ATF6: variants seen among roughly 807,000 people sequenced by gnomAD.
ATF6 encodes activating transcription factor 6.
In ATF6, 53 loss-of-function variants were observed where a neutral mutation model predicts 83.6. The ratio of observed to expected loss-of-function variants is 0.63; its 90% CI spans 0.51 to 0.80. The LOEUF is 0.80. Ranked by LOEUF, ATF6 falls within the 30% of genes least tolerant of loss-of-function variation. The pLI is 0.00. For missense variants in ATF6, 744 were observed against 797.9 expected, an observed-to-expected ratio of 0.93 and a Z score of 0.81; for synonymous variants, 288 against 285.8, an observed-to-expected ratio of 1.01 and a Z score of -0.08.
At chr1:161,831,292 G>A (rs1402636186) in intron 9 of ATF6, among the ~76,000 whole-genome samples, 7 of 152,184 alleles carry the variant, frequency 4.6e-5, no homozygotes, top group Non-Finnish European at 8.8e-5. Flanking sequence ...AAGTCAGGAA[G>A]CAACAGGTGC....
In ATF6 at chr1:161,799,314, ATAAT is replaced by A. The variant is rs142503802; in HGVS notation, c.689-2733_689-2730del. On this transcript the variant is annotated intron_variant, in intron 6 of 15. Transcript: ENST00000367942. ...TGGAGCTGAAGGCCATTATCCTAAGATAATTAATGCAGGAACAGAAAACCAAATA... is the reference window on the plus strand; with the variant it reads ...TGGAGCTGAAGGCCATTATCCTAAGATAATGCAGGAACAGAAAACCAAATA... 6.2e-3 allele frequency among the ~76,000 whole-genome samples: 948 copies of A among 152,322 alleles called. 7 individuals carry two copies. Among genetic ancestry groups the A allele is most frequent in the African/African-American group, 0.021 (861 of 41,578 alleles).
intron 6 of ATF6, among the ~76,000 whole-genome samples, chr1:161,794,335 A>G (rs1684958390): frequency 6.6e-6 from 1 of 152,212 alleles, no homozygotes; most frequent in Non-Finnish European, 1.5e-5. Context: ...TATACAGTTA[A>G]TCATGTTAAT....
chr1:161,787,823 A>G (rs536664816), intron 4 of ATF6, among the ~76,000 whole-genome samples: 2 of 152,288 alleles, frequency 1.3e-5, no homozygotes, highest in East Asian at 3.9e-4. Context: ...CAAAAAGTTC[A>G]TCTGATTTCA....
Position 161,963,897 on chromosome 1 carries a change from A to C in ATF6, c.*5243A>C, listed in dbSNP as rs928445089. The C allele has an allele frequency of 6.6e-6, 1 of 152,160 alleles. No individual in the cohort carries two copies. Among genetic ancestry groups the C allele is most frequent in the African/African-American group, 2.4e-5 (1 of 41,426 alleles). 9.4% of individuals were successfully genotyped at this position (152,160 alleles called of 1,614,324 possible). A position where few individuals can be genotyped will look rare whatever the true frequency, so the allele number is the denominator to read the frequency against. On this transcript the variant is annotated 3_prime_UTR_variant, in exon 16 of 16. Transcript: ENST00000367942. ...TTTTTGCTCAGGTTGTACCCATGCCAATTGAAGAACGTGTTAAAGATGAGG... is the reference window on the plus strand; with the variant it reads ...TTTTTGCTCAGGTTGTACCCATGCCCATTGAAGAACGTGTTAAAGATGAGG...
intron 9 of ATF6, among the ~76,000 whole-genome samples, chr1:161,841,087 TTGAA>T (rs1489523449): frequency 1.3e-5 from 2 of 152,180 alleles, no homozygotes; most frequent in Non-Finnish European, 2.9e-5. Context: ...AAGGGGACAT[TTGAA>T]TGATGCAAAA....
In ATF6 at chr1:161,851,722, A is replaced by C; in HGVS notation, c.1320A>C (p.Arg440Ser). The change falls in exon 11 of 16, where the codon AGA becomes AGC. Residue 440 changes from arginine to serine, a missense_variant and splice_region_variant. Physicochemically the swap from Arg to Ser is moderately radical, Grantham distance 110. Transcript: ENST00000367942. ...CAAATTTTGTGCATCCATGTTTCAGATATGATCATTCTGTTTCAAATGACA... is the reference window on the plus strand; with the variant it reads ...CAAATTTTGTGCATCCATGTTTCAGCTATGATCATTCTGTTTCAAATGACA... ...SDGIIQKNSY[R>S]YDHSVSNDKA... 6.2e-7 allele frequency: 1 copy of C among 1,610,192 alleles called. No homozygotes were observed. The highest frequency in any genetic ancestry group is 1.7e-5 in the Admixed American group (1 of 59,806).
Position 161,819,767 on chromosome 1 carries a change from G to A in ATF6, c.1044G>A (p.Leu348=). The part of the protein sequence containing the change: ...LKAALSENEQ[L]KKENGTLKRQ... The stretch of plus-strand genomic sequence containing the variant: ...CTGCCCTCTCAGAAAACGAGCAACT[G>A]AAGAAAGAAAATGGAACACTGAAGC... Residue 348 remains leucine (L), a synonymous_variant, in exon 8 of 16, where the codon CTG becomes CTA. Transcript: ENST00000367942. 13 of 1,612,624 alleles carry A rather than the reference G, an allele frequency of 8.1e-6. No homozygotes were observed. Among genetic ancestry groups the A allele is most frequent in the Non-Finnish European group, 9.3e-6 (11 of 1,179,376 alleles).
In ATF6 at chr1:161,963,310, A is replaced by G. The variant is rs1170667793; in HGVS notation, c.*4656A>G. On this transcript the variant is annotated 3_prime_UTR_variant, in exon 16 of 16. Coordinates refer to ENST00000367942, the MANE Select transcript of ATF6 (RefSeq NM_007348.4). The stretch of plus-strand genomic sequence containing the variant: ...TAGATGCAATAGAATTTATGAAAAG[A>G]AGAATGACAAAGGTATCTGATTAGA... 2.0e-5 allele frequency: 3 copies of G among 152,268 alleles called. No homozygotes were observed. Among genetic ancestry groups the G allele is most frequent in the African/African-American group, 7.2e-5 (3 of 41,474 alleles). 9.4% of individuals were successfully genotyped at this position (152,268 alleles called of 1,614,324 possible).
In ATF6 at chr1:161,853,399, C is replaced by T. The variant is rs980940690; in HGVS notation, c.1533+76C>T. On this transcript the variant is annotated intron_variant, in intron 12 of 15. Transcript: ENST00000367942. ...TTCTCCCAGCTGGGTTACTCTCTTCCCTAGAAGGTTGGTAAACTTGAGCTT... is the reference window on the plus strand; with the variant it reads ...TTCTCCCAGCTGGGTTACTCTCTTCTCTAGAAGGTTGGTAAACTTGAGCTT... 9 of 1,109,568 alleles carry T rather than the reference C, an allele frequency of 8.1e-6. No individual in the cohort carries two copies. The African/African-American group carries it at 1.5e-4, about 19-fold the overall frequency. The allele number at this position is 1,109,568 out of a possible 1,614,324, so 68.7% of individuals were successfully genotyped here. A position where few individuals can be genotyped will look rare whatever the true frequency, so the allele number is the denominator to read the frequency against.
chr1:161,791,504 G>A lies in ATF6; in HGVS notation c.451G>A (p.Asp151Asn). ...SLSSAEPLKE[D>N]KPVTGPRNKT... ...CTCTTCAGCGGAGCCACTGAAGGAA[G>A]ATAAGCCTGTCACTGGTCCTAGGAA... Residue 151 changes from aspartate to asparagine, a missense_variant, in exon 5 of 16, where the codon GAT becomes AAT. By Grantham distance (23) the Asp-to-Asn change is conservative. Coordinates refer to ENST00000367942, the MANE Select transcript of ATF6 (RefSeq NM_007348.4). The A allele has an allele frequency of 6.2e-7, 1 of 1,612,388 alleles. No homozygotes were observed.
intron 7 of ATF6, among the ~76,000 whole-genome samples, chr1:161,804,324 C>A (rs1225691207): frequency 6.6e-6 from 1 of 151,726 alleles, no homozygotes; most frequent in Non-Finnish European, 1.5e-5. Flanking sequence ...ATACATAGGT[C>A]AACAGTATAT....
chr1:161,838,519 T>C (rs1349136961), intron 9 of ATF6, among the ~76,000 whole-genome samples: 1 of 152,184 alleles, frequency 6.6e-6, no homozygotes, highest in Non-Finnish European at 1.5e-5. Flanking sequence ...CTCATTCACA[T>C]GGCCAGTAAG....
At chr1:161,792,103 G>GT in intron 5 of ATF6, 21 bp from the exon 6 acceptor site, 1 of 1,610,080 alleles carries the variant, frequency 6.2e-7, no homozygotes, top group Non-Finnish European at 8.5e-7. Context: ...TTGACTTGTG[G>GT]TTTGTCTGGT....
chr1:161,823,678 T>C (rs1000173152), intron 9 of ATF6, among the ~76,000 whole-genome samples: 7 of 152,234 alleles, frequency 4.6e-5, no homozygotes, highest in Admixed American at 6.5e-5. Context: ...TAACAGGATC[T>C]GGCAGGATTA....
At chr1:161,775,866 G>A (rs547668514) in intron 1 of ATF6, among the ~76,000 whole-genome samples, 44 of 151,280 alleles carry the variant, frequency 2.9e-4, no homozygotes, top group African/African-American at 9.2e-4. Flanking sequence ...CCTCTTAGCA[G>A]ACAGAACTAG....
chr1:161,943,868 A>G lies in ATF6; in HGVS notation c.1805-14578A>G, dbSNP rs371265023. ...CTTAGTCTTTATCATTTTCAAACAT[A>G]CTGTGTATTTACTTACTTCTCTCGC... On this transcript the variant is annotated intron_variant, in intron 15 of 15. Coordinates refer to ENST00000367942, the MANE Select transcript of ATF6 (RefSeq NM_007348.4). Among the ~76,000 whole-genome samples, 16 of 152,204 alleles carry G rather than the reference A, an allele frequency of 1.1e-4. No homozygotes were observed. The East Asian group carries it at 2.9e-3, about 28-fold the overall frequency.
chr1:161,823,963 T>G (rs1489177537), intron 9 of ATF6, among the ~76,000 whole-genome samples: 1 of 152,180 alleles, frequency 6.6e-6, no homozygotes, highest in Non-Finnish European at 1.5e-5. Context: ...TATATTTATG[T>G]GTCTGTATGT....
intron 14 of ATF6, among the ~76,000 whole-genome samples, chr1:161,903,256 G>A (rs1315912743): frequency 6.6e-6 from 1 of 152,050 alleles, no homozygotes; most frequent in Non-Finnish European, 1.5e-5. Context: ...TATATTAAAG[G>A]AAATAAAATA....
intron 9 of ATF6, among the ~76,000 whole-genome samples, chr1:161,836,722 A>T (rs899677872): frequency 1.3e-5 from 2 of 152,156 alleles, no homozygotes; most frequent in African/African-American, 4.8e-5. Flanking sequence ...TTTGGCTTTC[A>T]TGTGAGTTGT....
Sources: gnomAD v4.1 joint callset for allele counts (sites outside exome capture counted in the v4.1 genomes callset) on GRCh38, gnomAD v4.1.1 for gene constraint, MANE v1.5 for transcripts, NCBI Gene and HGNC (gene_info 2026-07-23, HGNC 2026-07-21) for gene names.